Variants in MCM9 observed in about 807,000 individuals in gnomAD.
The protein encoded by MCM9 is DNA helicase MCM9.
Under a neutral mutation model 72.8 loss-of-function variants are expected in MCM9, and 55 were observed. The observed-to-expected ratio is 0.76, with a 90% CI of 0.61 to 0.95. The LOEUF (loss-of-function observed/expected upper bound fraction) is 0.95. MCM9 is among the 40% of genes least tolerant of loss of function. The probability of loss-of-function intolerance (pLI) is 0.00; values close to 1 mark genes in which losing one functional copy is unlikely to be tolerated. For missense variants in MCM9, 1,279 were observed against 1,377.0 expected (o/e 0.93, Z 1.13); for synonymous variants, 480 against 503.4 (o/e 0.95, Z 0.62).
chr6:118,871,587 C>T lies in MCM9; in HGVS notation c.1151-15042G>A, dbSNP rs183120247. ...CAAACAAGATAAGGGTGCCCACTCT[C>T]GTCACTCCTGTTCAACATAGTATTA... On this transcript the variant is annotated intron_variant, in intron 8 of 13. Coordinates refer to ENST00000619706, the MANE Select transcript of MCM9 (RefSeq NM_017696.3). Among the ~76,000 whole-genome samples the T allele has an allele frequency of 3.5e-4, 54 of 152,290 alleles. No homozygotes were observed. The Middle Eastern group carries it at 0.01, about 29-fold the overall frequency.
In MCM9 at chr6:118,895,105, G is replaced by T. The variant is rs568167386; in HGVS notation, c.1150+16545C>A. ...CTCTCCGGGCTGGCCATGCCTGGCCGCTTCGGGGAGGAGAGCGAGGCTGTC... is the reference window on the plus strand; with the variant it reads ...CTCTCCGGGCTGGCCATGCCTGGCCTCTTCGGGGAGGAGAGCGAGGCTGTC... On this transcript the variant is annotated intron_variant, in intron 8 of 13. Coordinates refer to ENST00000619706, the MANE Select transcript of MCM9 (RefSeq NM_017696.3). Among the ~76,000 whole-genome samples the T allele has an allele frequency of 2.6e-5, 4 of 152,266 alleles. No homozygotes were observed. The South Asian group carries it at 8.3e-4, about 32-fold the overall frequency.
intron 13 of MCM9, among the ~76,000 whole-genome samples, chr6:118,820,407 T>C (rs1321124146): frequency 6.6e-6 from 1 of 152,218 alleles, no homozygotes; most frequent in Admixed American, 6.5e-5. Context: ...AGCAGGCTGT[T>C]CAGTTTCCAT....
intron 13 of MCM9, among the ~76,000 whole-genome samples, chr6:118,818,104 T>C (rs1284525860): frequency 6.6e-6 from 1 of 152,240 alleles, no homozygotes; most frequent in Non-Finnish European, 1.5e-5. Flanking sequence ...TGATAGTTTA[T>C]TTGGCTGAGC....
In MCM9 at chr6:118,826,096, T is replaced by C. The variant is rs902121459; in HGVS notation, c.1961+51A>G. ...TGCACACTTGCTTTGTTTCACTAAA[T>C]GCCAAACAAGGATTTTCCATTGTAT... On this transcript the variant is annotated intron_variant, in intron 13 of 13. Transcript: ENST00000619706. The C allele has an allele frequency of 7.2e-6, 11 of 1,519,956 alleles. No individual in the cohort carries two copies. In the African/African-American group the frequency reaches 1.5e-4, roughly 21 times the overall value. The allele number at this position is 1,519,956 out of a possible 1,614,324, so 94.2% of individuals were successfully genotyped here. A position where few individuals can be genotyped will look rare whatever the true frequency, so the allele number is the denominator to read the frequency against.
intron 8 of MCM9, among the ~76,000 whole-genome samples, chr6:118,884,303 GGGGAAAAT>G (rs1334324154): frequency 6.6e-6 from 1 of 152,062 alleles, no homozygotes; most frequent in Non-Finnish European, 1.5e-5. Context: ...AGCATAAAAA[GGGGAAAAT>G]GGTATAGAAT....
chr6:118,842,666 T>C (rs910863382), intron 9 of MCM9, among the ~76,000 whole-genome samples: 9 of 152,154 alleles, frequency 5.9e-5, no homozygotes, highest in Non-Finnish European at 1.0e-4. Context: ...ACCACAGGCA[T>C]GCATCACCAC....
At chr6:118,876,224 A>C (rs941763691) in intron 8 of MCM9, among the ~76,000 whole-genome samples, 1 of 133,570 alleles carries the variant, frequency 7.5e-6, no homozygotes, top group African/African-American at 3.0e-5. Context: ...CAGGGGTTGA[A>C]GGGAAAGAGG....
intron 13 of MCM9, among the ~76,000 whole-genome samples, chr6:118,819,601 C>A (rs1306624383): frequency 2.0e-5 from 3 of 152,106 alleles, no homozygotes; most frequent in Non-Finnish European, 4.4e-5. Context: ...TGTCTCTCTG[C>A]CAGGTTTTGG....
intron 9 of MCM9, among the ~76,000 whole-genome samples, chr6:118,840,377 C>T (rs1775268196): frequency 6.6e-6 from 1 of 151,986 alleles, no homozygotes; most frequent in Admixed American, 6.6e-5. Flanking sequence ...AATAACCTTT[C>T]ATTCTGTTAA....
In MCM9 at chr6:118,911,642, T is replaced by C. The variant is rs376892864; in HGVS notation, c.1150+8A>G. 1.4e-5 allele frequency: 23 copies of C among 1,605,550 alleles called. No homozygotes were observed. The highest frequency in any genetic ancestry group is 1.9e-5 in the Non-Finnish European group (22 of 1,175,874). On this transcript the variant is annotated splice_region_variant and intron_variant, in intron 8 of 13. Transcript: ENST00000619706. Reference sequence around the variant, plus strand: ...TGTTAAATTACTTGAAATTGTCACATACAATACCTGCACTAGTAGATCCAA... The same window carrying C: ...TGTTAAATTACTTGAAATTGTCACACACAATACCTGCACTAGTAGATCCAA...
chr6:118,913,245 G>C, intron 7 of MCM9, 50 bp downstream of exon 7: 1 of 1,595,876 alleles, frequency 6.3e-7, no homozygotes, highest in Non-Finnish European at 8.5e-7. Flanking sequence ...AAAAGTTCTA[G>C]CTTCCATCCA....
At chr6:118,882,622 C>T (rs1011288733) in intron 8 of MCM9, among the ~76,000 whole-genome samples, 14 of 152,006 alleles carry the variant, frequency 9.2e-5, no homozygotes, top group Admixed American at 8.5e-4. Flanking sequence ...GCCTACCAGC[C>T]GAGTATGATA....
At position 118,930,196 on chromosome 6, in the gene MCM9, C is replaced by T. The variant is rs994465939; in HGVS notation, c.304+1224G>A. Among the ~76,000 whole-genome samples the T allele has an allele frequency of 2.2e-4, 34 of 152,024 alleles. 1 individual carries two copies. Among genetic ancestry groups the T allele is most frequent in the African/African-American group, 8.0e-4 (33 of 41,402 alleles). ...CGCGATCTCGGCTCACTGCAAGCTC[C>T]GCCTCCTGGGTTCACACCATTCTCC... On this transcript the variant is annotated intron_variant, in intron 3 of 13. Coordinates refer to ENST00000619706, the MANE Select transcript of MCM9 (RefSeq NM_017696.3).
chr6:118,828,938 G>T, intron 10 of MCM9, 110 bp downstream of exon 10: 1 of 1,086,454 alleles, frequency 9.2e-7, no homozygotes, highest in Non-Finnish European at 1.3e-6. Context: ...TCTATTGCCT[G>T]GTACTACATA....
intron 9 of MCM9, among the ~76,000 whole-genome samples, chr6:118,845,370 G>C (rs1775788706): frequency 6.6e-6 from 1 of 151,778 alleles, no homozygotes; most frequent in African/African-American, 2.4e-5. Context: ...GTTACGGAGA[G>C]TTCAGTAATG....
At chr6:118,828,295 A>T (rs1175772114) in intron 10 of MCM9, among the ~76,000 whole-genome samples, 165 bp from the exon 11 acceptor site, 1 of 152,166 alleles carries the variant, frequency 6.6e-6, no homozygotes, top group Admixed American at 6.5e-5. Flanking sequence ...GCATCTTATG[A>T]TCTAAGCTTA....
chr6:118,895,227 G>C (rs1233500071), intron 8 of MCM9, among the ~76,000 whole-genome samples: 1 of 151,924 alleles, frequency 6.6e-6, no homozygotes, highest in Non-Finnish European at 1.5e-5. Flanking sequence ...CGCTCCCCGG[G>C]GGCCGTGGGT....
chr6:118,845,143 T>C (rs1023412232), intron 9 of MCM9, among the ~76,000 whole-genome samples: 1 of 151,678 alleles, frequency 6.6e-6, no homozygotes, highest in Non-Finnish European at 1.5e-5. Context: ...GGAGAACTCA[T>C]CTACTAAGAA....
chr6:118,816,344 G>A (rs1213197548), intron 13 of MCM9, 50 bp from the exon 14 acceptor site: 3 of 1,424,172 alleles, frequency 2.1e-6, no homozygotes, highest in Non-Finnish European at 2.8e-6. Context: ...AAGAGAATTT[G>A]TGCTAACCTA....
Sources: allele counts gnomAD v4.1 joint callset (sites outside exome capture counted in the v4.1 genomes callset), GRCh38; gene constraint gnomAD v4.1.1; transcripts MANE v1.5; gene names NCBI Gene and HGNC (gene_info 2026-07-23, HGNC 2026-07-21).